Variants in TOM1 observed in about 807,000 individuals in gnomAD.
The protein encoded by TOM1 is target of myb1 membrane trafficking protein.
In TOM1, 38 loss-of-function variants were observed where a neutral mutation model predicts 61.3. The observed-to-expected ratio is 0.62, with a 90% confidence interval of 0.48 to 0.81. TOM1 has a LOEUF of 0.81. Among genes scored for constraint, TOM1 ranks in the 40% least tolerant of loss-of-function variants. The pLI is 0.00. For synonymous variants in TOM1, 270 were observed against 268.8 expected, an observed-to-expected ratio of 1.00 and a Z score of -0.04; for missense variants, 591 against 659.6, an observed-to-expected ratio of 0.90 and a Z score of 1.14.
At chr22:35,301,712 A>G (rs555127886) in intron 1 of TOM1, among the ~76,000 whole-genome samples, 50 of 152,116 alleles carry the variant, frequency 3.3e-4, no homozygotes, top group African/African-American at 1.2e-3. Context: ...TTTTGTAATC[A>G]ATGCTCTCCA....
chr22:35,302,469 C>G (rs577611473), intron 1 of TOM1, among the ~76,000 whole-genome samples: 1 of 150,206 alleles, frequency 6.7e-6, no homozygotes, highest in Non-Finnish European at 1.5e-5. Flanking sequence ...CCAAGGTAGC[C>G]GGGATTACAG....
intron 1 of TOM1, among the ~76,000 whole-genome samples, chr22:35,309,376 G>C (rs1926620346): frequency 6.6e-6 from 1 of 152,164 alleles, no homozygotes; most frequent in Admixed American, 6.5e-5. Context: ...AGGCGCAGTG[G>C]CTCACACCTG....
At chr22:35,333,532 C>T (rs758300139) in intron 10 of TOM1, 35 bp downstream of exon 10, 31 of 1,593,522 alleles carry the variant, frequency 1.9e-5, no homozygotes, top group Non-Finnish European at 2.5e-5. Context: ...GCTGAGGGTA[C>T]ATTATGGTAC....
intron 11 of TOM1, among the ~76,000 whole-genome samples, chr22:35,337,126 CG>C (rs1317670154): frequency 1.3e-5 from 2 of 151,958 alleles, no homozygotes; most frequent in Non-Finnish European, 2.9e-5. Context: ...TTAGTAGAGA[CG>C]GGGTTTCACC....
intron 6 of TOM1, among the ~76,000 whole-genome samples, chr22:35,325,131 C>A (rs570264268): frequency 1.3e-5 from 2 of 152,344 alleles, no homozygotes; most frequent in African/African-American, 2.4e-5. Flanking sequence ...TGGAGACACC[C>A]ACGTTAAAGG....
At chr22:35,313,114 A>C (rs1187327269) in intron 1 of TOM1, among the ~76,000 whole-genome samples, 2 of 152,164 alleles carry the variant, frequency 1.3e-5, no homozygotes, top group Non-Finnish European at 2.9e-5. Context: ...TGGGAGGCCA[A>C]GGCGGGTGGA....
chr22:35,329,164 C>T (rs1031434961), intron 7 of TOM1, among the ~76,000 whole-genome samples: 4 of 152,196 alleles, frequency 2.6e-5, no homozygotes, highest in African/African-American at 9.7e-5. Context: ...CCTTGTTGGC[C>T]AGGCTGGTCT....
chr22:35,330,307 A>G, intron 7 of TOM1, 40 bp from the exon 8 acceptor site: 3 of 1,575,226 alleles, frequency 1.9e-6, no homozygotes, highest in Non-Finnish European at 2.6e-6. Context: ...CCTCACTCTG[A>G]GTCATGTGAC....
chr22:35,326,980 T>G (rs542437392), intron 6 of TOM1, among the ~76,000 whole-genome samples: 1 of 152,302 alleles, frequency 6.6e-6, no homozygotes, highest in Non-Finnish European at 1.5e-5. Flanking sequence ...TTAGCTGCTG[T>G]GTTAGACCCA....
chr22:35,322,445 C>G, intron 3 of TOM1: 1 of 222,970 alleles, frequency 4.5e-6, no homozygotes, highest in East Asian at 1.2e-4. Context: ...AACAGTCTTG[C>G]CCACACCACT....
intron 1 of TOM1, among the ~76,000 whole-genome samples, chr22:35,313,354 AAAG>A (rs1038949624): frequency 6.6e-6 from 1 of 150,994 alleles, no homozygotes; most frequent in East Asian, 1.9e-4. Flanking sequence ...CAAAAAAAAA[AAAG>A]AAAGAAAGGG....
intron 1 of TOM1, among the ~76,000 whole-genome samples, chr22:35,305,060 C>T (rs190265700): frequency 2.4e-4 from 36 of 152,244 alleles, no homozygotes; most frequent in Non-Finnish European, 3.7e-4. Flanking sequence ...AAAGCCAAGC[C>T]GGGGGAGCCA....
chr22:35,337,661 G>C (rs138794), intron 11 of TOM1, among the ~76,000 whole-genome samples: 1 of 152,116 alleles, frequency 6.6e-6, no homozygotes, highest in Non-Finnish European at 1.5e-5. Flanking sequence ...AGCTGGTATT[G>C]CAAGAGTTAA....
At chr22:35,342,943 ACCTACACACACC>A (rs1461129299) in intron 12 of TOM1, among the ~76,000 whole-genome samples, 1 of 111,276 alleles carries the variant, frequency 9.0e-6, no homozygotes, top group Non-Finnish European at 1.7e-5. Context: ...CCACTCATAC[ACCTACACACACC>A]CCTACACACA....
In TOM1 at chr22:35,330,446, G is replaced by A; in HGVS notation, c.865G>A (p.Asp289Asn). The A allele has an allele frequency of 1.2e-6, 2 of 1,613,286 alleles. No homozygotes were observed. Among genetic ancestry groups the A allele is most frequent in the Non-Finnish European group, 1.7e-6 (2 of 1,179,776 alleles). ...GACAGAGGAGCTGCTCATCGTCAAT[G>A]ACAATCTCAACAATGTGTTCCTGCG... ...QLTEELLIVNDNLNNVFLRHE... is the reference protein window; with the variant it reads ...QLTEELLIVNNNLNNVFLRHE... Residue 289 changes from aspartate (D) to asparagine (N), a missense_variant, in exon 8 of 15, where the codon GAC becomes AAC. By Grantham distance (23) the Asp-to-Asn change is conservative. Coordinates refer to ENST00000449058, the MANE Select transcript of TOM1 (RefSeq NM_005488.3).
At chr22:35,328,527 C>T (rs577872880) in intron 7 of TOM1, among the ~76,000 whole-genome samples, 52 of 152,320 alleles carry the variant, frequency 3.4e-4, no homozygotes, top group African/African-American at 9.1e-4. Flanking sequence ...AGCAGAGCTG[C>T]GATTTGAACC....
At chr22:35,345,324 T>G (rs1429482147) in intron 12 of TOM1, 1 of 236,386 alleles carries the variant, frequency 4.2e-6, no homozygotes. Context: ...AGAAAATGCC[T>G]GGGGTCTGAC....
At chr22:35,337,545 T>G (rs1159244088) in intron 11 of TOM1, among the ~76,000 whole-genome samples, 2 of 152,156 alleles carry the variant, frequency 1.3e-5, no homozygotes, top group African/African-American at 4.8e-5. Flanking sequence ...CTGCCCCTGG[T>G]GGGAAGGAAC....
At chr22:35,332,167 G>A (rs1928897338) in intron 8 of TOM1, among the ~76,000 whole-genome samples, 1 of 152,128 alleles carries the variant, frequency 6.6e-6, no homozygotes, top group South Asian at 2.1e-4. Context: ...TGCAGGTCAC[G>A]TCTGCCTAGC....
Sources: gnomAD v4.1 joint callset for allele counts (sites outside exome capture counted in the v4.1 genomes callset) on GRCh38, gnomAD v4.1.1 for gene constraint, MANE v1.5 for transcripts, NCBI Gene and HGNC (gene_info 2026-07-23, HGNC 2026-07-21) for gene names.